The following RAB3GAP2 variants were observed in gnomAD, a reference collection of about 807,000 sequenced individuals.
RAB3GAP2 encodes the protein rab3 GTPase-activating protein non-catalytic subunit.
RAB3GAP2 carries 87 observed loss-of-function variants against 185.3 expected under a neutral mutation model. The ratio of observed to expected loss-of-function variants is 0.47; its 90% CI spans 0.39 to 0.56. The LOEUF is 0.56. Ranked by LOEUF, RAB3GAP2 falls within the 20% of genes least tolerant of loss-of-function variation. RAB3GAP2 has a pLI of 0.00. For synonymous variants in RAB3GAP2, 554 were observed against 576.1 expected, an observed-to-expected ratio of 0.96 and a Z score of 0.55; for missense variants, 1,492 against 1,638.2, an observed-to-expected ratio of 0.91 and a Z score of 1.54.
At chr1:220,201,168 C>G (rs146709204) in intron 9 of RAB3GAP2, among the ~76,000 whole-genome samples, 1 of 152,114 alleles carries the variant, frequency 6.6e-6, no homozygotes, top group Non-Finnish European at 1.5e-5. Context: ...CTTATAGTGG[C>G]TGCAAGAAGA....
intron 7 of RAB3GAP2, among the ~76,000 whole-genome samples, chr1:220,208,720 A>ATT (rs200653028): frequency 2.7e-5 from 4 of 146,722 alleles, no homozygotes; most frequent in Non-Finnish European, 6.0e-5. Context: ...CTTCAAAACA[A>ATT]TTTTTTTTTT....
Position 220,210,931 on chromosome 1 carries a change from C to T in RAB3GAP2, c.434+24G>A, listed in dbSNP as rs199590626. On this transcript the variant is annotated intron_variant, in intron 5 of 34. Coordinates refer to ENST00000358951, the MANE Select transcript of RAB3GAP2 (RefSeq NM_012414.4). ...AACTCATAAATCAAAGCAAAGAAAA[C>T]AGATGACTCTTATTTATCCTTACCT... 6 of 1,613,922 alleles carry T rather than the reference C, an allele frequency of 3.7e-6. No homozygotes were observed. The East Asian group carries it at 1.1e-4, about 30-fold the overall frequency.
At chr1:220,152,232 C>T (rs181391302) in intron 33 of RAB3GAP2, among the ~76,000 whole-genome samples, 152 of 152,308 alleles carry the variant, frequency 1.0e-3, no homozygotes, top group African/African-American at 3.2e-3. Context: ...CATGCCACCA[C>T]GCCCAGCTAA....
At chr1:220,168,399 C>T (rs549410058) in intron 24 of RAB3GAP2, among the ~76,000 whole-genome samples, 28 of 139,098 alleles carry the variant, frequency 2.0e-4, no homozygotes, top group African/African-American at 6.0e-4. Flanking sequence ...GTAAATATTC[C>T]TTTTTTTTTT....
chr1:220,180,031 G>A (rs200724332), intron 21 of RAB3GAP2, among the ~76,000 whole-genome samples: 24 of 151,830 alleles, frequency 1.6e-4, no homozygotes, highest in South Asian at 1.5e-3. Context: ...GTGTGGTGGC[G>A]CATGCCTGTA....
At chr1:220,166,639 A>T (rs1658072247) in intron 26 of RAB3GAP2, among the ~76,000 whole-genome samples, 1 of 152,184 alleles carries the variant, frequency 6.6e-6, no homozygotes, top group African/African-American at 2.4e-5. Context: ...CTGCTTCCAG[A>T]CTGTGAATGT....
intron 10 of RAB3GAP2, 71 bp downstream of exon 10, chr1:220,196,179 C>T: frequency 2.6e-6 from 4 of 1,524,154 alleles, no homozygotes; most frequent in Non-Finnish European, 2.7e-6. Flanking sequence ...AAGCAAGTTA[C>T]CATATCCAAT....
intron 8 of RAB3GAP2, among the ~76,000 whole-genome samples, chr1:220,205,107 T>C (rs1316073306): frequency 1.3e-5 from 2 of 152,194 alleles, no homozygotes; most frequent in African/African-American, 4.8e-5. Context: ...TGATGGTGTG[T>C]CTTTCACTGG....
intron 12 of RAB3GAP2, 28 bp downstream of exon 12, chr1:220,195,050 T>C (rs775015386): frequency 1.9e-6 from 3 of 1,603,070 alleles, no homozygotes; most frequent in African/African-American, 2.7e-5. Flanking sequence ...CTAAAAGGAC[T>C]AAAATTTGGG....
chr1:220,153,929 T>C (rs574931984), intron 32 of RAB3GAP2, 39 bp downstream of exon 32: 177 of 1,608,590 alleles, frequency 1.1e-4, no homozygotes, highest in Admixed American at 2.0e-4. Flanking sequence ...TGTTTTTTTT[T>C]CCAAGAAACA....
At chr1:220,235,143 G>A (rs1008152807) in intron 1 of RAB3GAP2, among the ~76,000 whole-genome samples, 1 of 152,060 alleles carries the variant, frequency 6.6e-6, no homozygotes, top group Non-Finnish European at 1.5e-5. Context: ...GTAAGATTAG[G>A]GAAAAGTGGA....
intron 9 of RAB3GAP2, 96 bp downstream of exon 9, chr1:220,202,180 T>A: frequency 1.5e-6 from 2 of 1,298,796 alleles, no homozygotes; most frequent in South Asian, 1.5e-5. Flanking sequence ...ATAATAATAA[T>A]AAATAAAGAA....
At chr1:220,257,182 T>A (rs1660046746) in intron 1 of RAB3GAP2, among the ~76,000 whole-genome samples, 1 of 151,998 alleles carries the variant, frequency 6.6e-6, no homozygotes, top group Non-Finnish European at 1.5e-5. Flanking sequence ...ATCAAGACCA[T>A]CCTGGCTAAC....
intron 2 of RAB3GAP2, among the ~76,000 whole-genome samples, chr1:220,216,491 A>G (rs570178038): frequency 1.3e-5 from 2 of 152,304 alleles, no homozygotes; most frequent in East Asian, 1.9e-4. Flanking sequence ...TGAGGACAAC[A>G]TTACCCGATG....
intron 1 of RAB3GAP2, chr1:220,271,107 G>C (rs1393155010): frequency 6.6e-6 from 1 of 152,218 alleles, no homozygotes; most frequent in African/African-American, 2.4e-5. Context: ...CTGAATGGAA[G>C]TTAATGATTT....
At chr1:220,183,200 C>T (rs555187624) in intron 19 of RAB3GAP2, among the ~76,000 whole-genome samples, 13 of 151,346 alleles carry the variant, frequency 8.6e-5, no homozygotes, top group Non-Finnish European at 1.6e-4. Context: ...TTAAAAGTAC[C>T]ATTTTAGGAT....
intron 26 of RAB3GAP2, among the ~76,000 whole-genome samples, chr1:220,166,911 G>A (rs1055315598): frequency 6.6e-6 from 1 of 152,120 alleles, no homozygotes; most frequent in Non-Finnish European, 1.5e-5. Flanking sequence ...ATTTCATGCA[G>A]GAATTCAGAA....
At chr1:220,187,217 T>G (rs1396517462) in intron 17 of RAB3GAP2, among the ~76,000 whole-genome samples, 1 of 152,192 alleles carries the variant, frequency 6.6e-6, no homozygotes, top group Non-Finnish European at 1.5e-5. Context: ...TTCCTATAAT[T>G]TCTTGAACAA....
intron 26 of RAB3GAP2, 42 bp from the exon 27 acceptor site, chr1:220,164,841 T>G: frequency 6.4e-7 from 1 of 1,563,214 alleles, no homozygotes; most frequent in Non-Finnish European, 8.7e-7. Context: ...AAAAGAGGTA[T>G]CATTTAATAG....
Sources: gnomAD v4.1 joint callset for allele counts (sites outside exome capture counted in the v4.1 genomes callset) on GRCh38, gnomAD v4.1.1 for gene constraint, MANE v1.5 for transcripts, NCBI Gene and HGNC (gene_info 2026-07-23, HGNC 2026-07-21) for gene names.